Variants in RASAL2 observed in about 807,000 individuals in gnomAD.
RASAL2 encodes RAS protein activator like 2, also known as ras GTPase-activating protein nGAP.
A neutral mutation model predicts 128.9 loss-of-function variants in RASAL2; 58 were observed. The ratio of observed to expected loss-of-function variants is 0.45; its 90% CI spans 0.36 to 0.56. The LOEUF (loss-of-function observed/expected upper bound fraction) is 0.56, where lower values mean the gene tolerates loss of function less well. Among genes scored for constraint, RASAL2 ranks in the 20% least tolerant of loss-of-function variants. The pLI, the probability that RASAL2 is intolerant of heterozygous loss-of-function variation, is 0.00. For synonymous variants in RASAL2, 561 were observed against 580.8 expected, an observed-to-expected ratio of 0.97 and a Z score of 0.49; for missense variants, 1,360 against 1,601.6, an observed-to-expected ratio of 0.85 and a Z score of 2.57.
chr1:178,148,936 G>T (rs1218617282), intron 1 of RASAL2, among the ~76,000 whole-genome samples: 1 of 151,688 alleles, frequency 6.6e-6, no homozygotes, highest in African/African-American at 2.4e-5. Flanking sequence ...CTCTTTCTCC[G>T]ATCTGGAAAA....
intron 1 of RASAL2, among the ~76,000 whole-genome samples, chr1:178,161,556 T>C (rs1224740233): frequency 1.3e-5 from 2 of 152,218 alleles, no homozygotes; most frequent in Non-Finnish European, 2.9e-5. Flanking sequence ...TTGACTATTA[T>C]GAATAATACT....
intron 1 of RASAL2, among the ~76,000 whole-genome samples, chr1:178,132,728 T>C (rs1660165158): frequency 6.6e-6 from 1 of 152,048 alleles, no homozygotes; most frequent in South Asian, 2.1e-4. Flanking sequence ...GATTTGTATG[T>C]CATTTTTGTT....
intron 1 of RASAL2, among the ~76,000 whole-genome samples, chr1:178,103,052 C>T (rs189229489): frequency 3.9e-5 from 6 of 152,072 alleles, no homozygotes; most frequent in South Asian, 4.2e-4. Flanking sequence ...GGTCTGGAGC[C>T]GGTAAATTGC....
chr1:178,168,665 G>A (rs527423188), intron 1 of RASAL2, among the ~76,000 whole-genome samples: 3 of 152,206 alleles, frequency 2.0e-5, no homozygotes, highest in Non-Finnish European at 4.4e-5. Context: ...ACACCGGGCT[G>A]TGTGTTTGTG....
chr1:178,226,352 G>A (rs1397861960), intron 1 of RASAL2, among the ~76,000 whole-genome samples: 3 of 152,090 alleles, frequency 2.0e-5, no homozygotes, highest in Non-Finnish European at 2.9e-5. Flanking sequence ...ATTAAGAGAA[G>A]AGGAAGAAAA....
chr1:178,424,773 A>T (rs890599075), intron 5 of RASAL2, among the ~76,000 whole-genome samples: 1 of 152,160 alleles, frequency 6.6e-6, no homozygotes, highest in Non-Finnish European at 1.5e-5. Flanking sequence ...CATATTTTTA[A>T]AAGATAAAAT....
At chr1:178,336,188 C>CT (rs149853262) in intron 3 of RASAL2, among the ~76,000 whole-genome samples, 11,055 of 143,486 alleles carry the variant, frequency 0.077, 757 homozygotes, top group African/African-American at 0.19. Context: ...CTTTTTCTTC[C>CT]TTTTTTTTTT....
chr1:178,448,277 T>C (rs958457771), intron 9 of RASAL2, among the ~76,000 whole-genome samples: 10 of 152,120 alleles, frequency 6.6e-5, no homozygotes, highest in African/African-American at 2.4e-4. Flanking sequence ...TCAGAAATTA[T>C]GGAAGGTAAA....
In RASAL2 at chr1:178,171,368, A is replaced by G. The variant is rs1416367944; in HGVS notation, c.202+76674A>G. Among the ~76,000 whole-genome samples the G allele has an allele frequency of 2.0e-5, 3 of 151,934 alleles. No homozygotes were observed. In the East Asian group the frequency reaches 5.8e-4, roughly 29 times the overall value. ...TAAACAGAGTAAAGGCTAACTGCAG[A>G]CTGTCATATATATTCCGAGTAGCTT... On this transcript the variant is annotated intron_variant, in intron 1 of 17. Transcript: ENST00000367649.
chr1:178,368,415 A>G (rs1049680948), intron 3 of RASAL2, among the ~76,000 whole-genome samples: 1 of 152,214 alleles, frequency 6.6e-6, no homozygotes, highest in South Asian at 2.1e-4. Flanking sequence ...GTGTATATGC[A>G]TATATACAGA....
chr1:178,357,752 A>G (rs529847091), intron 3 of RASAL2, among the ~76,000 whole-genome samples: 3 of 152,292 alleles, frequency 2.0e-5, no homozygotes, highest in Non-Finnish European at 4.4e-5. Flanking sequence ...TATAAAGAGC[A>G]TGTTTTATAT....
chr1:178,159,341 T>G (rs1023892447), intron 1 of RASAL2, among the ~76,000 whole-genome samples: 1 of 152,190 alleles, frequency 6.6e-6, no homozygotes, highest in Non-Finnish European at 1.5e-5. Context: ...CTCTTTACTG[T>G]CATGTATATA....
At chr1:178,098,129 T>G (rs945533332) in intron 1 of RASAL2, among the ~76,000 whole-genome samples, 1 of 152,348 alleles carries the variant, frequency 6.6e-6, no homozygotes, top group Middle Eastern at 3.4e-3. Context: ...TATAAAATTT[T>G]TGATATCAGG....
intron 6 of RASAL2, among the ~76,000 whole-genome samples, chr1:178,440,079 C>T (rs1457811293): frequency 6.6e-6 from 1 of 151,866 alleles, no homozygotes; most frequent in African/African-American, 2.4e-5. Flanking sequence ...ACCCAGACCC[C>T]AGCACATTGC....
intron 3 of RASAL2, among the ~76,000 whole-genome samples, chr1:178,361,789 A>G (rs1671121647): frequency 6.6e-6 from 1 of 152,044 alleles, no homozygotes; most frequent in South Asian, 2.1e-4. Context: ...TGTAATATAT[A>G]ATGAAATAAT....
intron 3 of RASAL2, among the ~76,000 whole-genome samples, chr1:178,303,281 C>G (rs1004970690): frequency 2.6e-5 from 4 of 151,926 alleles, no homozygotes; most frequent in Non-Finnish European, 5.9e-5. Context: ...AAGATCTGAA[C>G]AAGAGAGATA....
At chr1:178,305,429 C>G (rs532025163) in intron 3 of RASAL2, among the ~76,000 whole-genome samples, 3 of 152,006 alleles carry the variant, frequency 2.0e-5, no homozygotes, top group Non-Finnish European at 4.4e-5. Flanking sequence ...CAAAATAGCA[C>G]GGCACAGGCA....
intron 1 of RASAL2, among the ~76,000 whole-genome samples, chr1:178,282,612 A>C (rs561610882): frequency 6.6e-6 from 1 of 151,960 alleles, no homozygotes; most frequent in Non-Finnish European, 1.5e-5. Flanking sequence ...ATGATTTACA[A>C]CTCCCCTGCC....
chr1:178,289,229 T>C (rs1169604973), intron 2 of RASAL2, among the ~76,000 whole-genome samples: 2 of 152,186 alleles, frequency 1.3e-5, no homozygotes, highest in East Asian at 3.8e-4. Flanking sequence ...GTAGAGTTGA[T>C]CACTCATTTC....
Sources: gnomAD v4.1 joint callset for allele counts (sites outside exome capture counted in the v4.1 genomes callset) on GRCh38, gnomAD v4.1.1 for gene constraint, MANE v1.5 for transcripts, NCBI Gene and HGNC (gene_info 2026-07-23, HGNC 2026-07-21) for gene names.